Variants in TGFBR3 observed in about 807,000 individuals in gnomAD.
TGFBR3 encodes transforming growth factor beta receptor 3.
Under a neutral mutation model 87.9 loss-of-function variants are expected in TGFBR3, and 46 were observed. That is an observed-to-expected ratio of 0.52 (90% CI 0.41 to 0.67). TGFBR3 has a LOEUF of 0.67. Ranked by LOEUF, TGFBR3 falls within the 30% of genes least tolerant of loss-of-function variation. TGFBR3 has a pLI of 0.00. For synonymous variants in TGFBR3, 381 were observed against 391.6 expected, an observed-to-expected ratio of 0.97 and a Z score of 0.32; for missense variants, 866 against 1,041.9, an observed-to-expected ratio of 0.83 and a Z score of 2.32.
rs1348571874 is a variant in TGFBR3, at chr1:91,734,845, CT to C, written c.498del (p.Glu167SerfsTer13). 6.2e-7 allele frequency: 1 copy of C among 1,614,200 alleles called. No individual in the cohort carries two copies. The highest frequency in any genetic ancestry group is 8.5e-7 in the Non-Finnish European group (1 of 1,180,022). On this transcript the variant is annotated frameshift_variant, in exon 5 of 17. Transcript: ENST00000212355. LOFTEE classifies it high-confidence loss of function. ...GNEHLLNWARKEYGAVTSFTE... is the reference protein window; with the variant it reads ...GNEHLLNWARXEYGAVTSFTE... The stretch of plus-strand genomic sequence containing the variant: ...GTGAATGAAGTAACTGCTCCATACT[CT>C]TTTCGGGCCCAATTTAACAGATGTT...
At chr1:91,804,046 G>A (rs946867545) in intron 2 of TGFBR3, among the ~76,000 whole-genome samples, 5 of 152,148 alleles carry the variant, frequency 3.3e-5, no homozygotes, top group East Asian at 3.9e-4. Flanking sequence ...CTCAATTATC[G>A]CTGAGAAATG....
intron 16 of TGFBR3, among the ~76,000 whole-genome samples, chr1:91,686,946 G>A (rs1671108174): frequency 6.6e-6 from 1 of 152,184 alleles, no homozygotes; most frequent in Non-Finnish European, 1.5e-5. Context: ...GGCCAGCAGA[G>A]GAAATGTACT....
chr1:91,863,752 C>A (rs751687446), intron 1 of TGFBR3: 1 of 152,202 alleles, frequency 6.6e-6, no homozygotes, highest in Non-Finnish European at 1.5e-5. Context: ...AGGCATAAGT[C>A]ATCAATGACA....
At chr1:91,685,076 A>G (rs578205782) in intron 16 of TGFBR3, among the ~76,000 whole-genome samples, 1 of 152,294 alleles carries the variant, frequency 6.6e-6, no homozygotes, top group African/African-American at 2.4e-5. Context: ...GCCTCTGTGA[A>G]AAAAGCAGTT....
At chr1:91,766,199 T>TC (rs1553165534) in intron 3 of TGFBR3, among the ~76,000 whole-genome samples, 2 of 14,470 alleles carry the variant, frequency 1.4e-4, no homozygotes, top group Non-Finnish European at 3.7e-4. Flanking sequence ...GTTTGTTTTC[T>TC]TTTTTTTTTT....
chr1:91,787,943 G>GGAAAAAAAAAAAA (rs945269870), intron 3 of TGFBR3, among the ~76,000 whole-genome samples: 2 of 133,314 alleles, frequency 1.5e-5, no homozygotes, highest in African/African-American at 6.1e-5. Context: ...GTCTCACGGG[G>GGAAAAAAAAAAAA]AAAAAAAAAA....
At chr1:91,710,678 G>A (rs1671949194) in intron 13 of TGFBR3, among the ~76,000 whole-genome samples, 1 of 152,164 alleles carries the variant, frequency 6.6e-6, no homozygotes, top group African/African-American at 2.4e-5. Flanking sequence ...CCAGATAAAG[G>A]GCTGTCATTG....
intron 2 of TGFBR3, among the ~76,000 whole-genome samples, chr1:91,858,969 T>C (rs868241722): frequency 6.6e-6 from 1 of 151,084 alleles, no homozygotes; most frequent in Non-Finnish European, 1.5e-5. Flanking sequence ...GGCAGGAGAA[T>C]CGCTTGAACC....
chr1:91,724,096 T>C (rs1296070071), intron 7 of TGFBR3, among the ~76,000 whole-genome samples: 1 of 152,192 alleles, frequency 6.6e-6, no homozygotes, highest in African/African-American at 2.4e-5. Context: ...AAATTCTATA[T>C]GCAAAGGAAC....
chr1:91,882,356 C>G (rs976534348), intron 1 of TGFBR3, among the ~76,000 whole-genome samples: 1 of 151,480 alleles, frequency 6.6e-6, no homozygotes, highest in African/African-American at 2.4e-5. Context: ...AGGCTGGTCT[C>G]GAACTCCTGA....
intron 2 of TGFBR3, chr1:91,801,083 C>CAA (rs55862227): frequency 2.4e-4 from 34 of 139,466 alleles, no homozygotes; most frequent in South Asian, 1.5e-3. Context: ...AACTCTGTCT[C>CAA]AAAAAAAAAA....
At chr1:91,698,711 T>G (rs1671513055) in intron 14 of TGFBR3, among the ~76,000 whole-genome samples, 1 of 152,088 alleles carries the variant, frequency 6.6e-6, no homozygotes, top group Admixed American at 6.6e-5. Context: ...CACATTGCCC[T>G]GGCTGGTCTC....
chr1:91,758,351 A>C (rs958777096), intron 4 of TGFBR3, among the ~76,000 whole-genome samples: 1 of 152,142 alleles, frequency 6.6e-6, no homozygotes, highest in Non-Finnish European at 1.5e-5. Context: ...CAGGCCACAC[A>C]GAGTATGACG....
chr1:91,685,790 G>T (rs1464302780), intron 16 of TGFBR3, among the ~76,000 whole-genome samples: 1 of 151,848 alleles, frequency 6.6e-6, no homozygotes, highest in African/African-American at 2.4e-5. Context: ...TTTCTAGAAG[G>T]GAATCAAATC....
chr1:91,844,850 C>T (rs1677412112), intron 2 of TGFBR3, among the ~76,000 whole-genome samples: 1 of 152,122 alleles, frequency 6.6e-6, no homozygotes, highest in South Asian at 2.1e-4. Flanking sequence ...AGTACAAAGG[C>T]TTTCATAATT....
At chr1:91,811,555 T>A (rs974011278) in intron 2 of TGFBR3, among the ~76,000 whole-genome samples, 37 of 152,308 alleles carry the variant, frequency 2.4e-4, no homozygotes, top group African/African-American at 8.9e-4. Flanking sequence ...TCAAAAAGTT[T>A]GGATTTTGCT....
intron 4 of TGFBR3, among the ~76,000 whole-genome samples, chr1:91,745,459 A>C (rs984767281): frequency 2.0e-4 from 31 of 152,254 alleles, no homozygotes; most frequent in African/African-American, 7.0e-4. Context: ...CAAGAATCTC[A>C]GTTGAGGTTT....
intron 1 of TGFBR3, among the ~76,000 whole-genome samples, chr1:91,875,742 G>A (rs1678764323): frequency 7.0e-6 from 1 of 142,202 alleles, no homozygotes; most frequent in South Asian, 2.3e-4. Flanking sequence ...AGAAAAATTA[G>A]CTGGGCATGG....
chr1:91,732,389 A>T (rs904773659), intron 5 of TGFBR3, among the ~76,000 whole-genome samples: 1 of 152,138 alleles, frequency 6.6e-6, no homozygotes, highest in African/African-American at 2.4e-5. Context: ...AGAGTTCCTG[A>T]TTCAGTTGGT....
Sources: allele counts gnomAD v4.1 joint callset (sites outside exome capture counted in the v4.1 genomes callset), GRCh38; gene constraint gnomAD v4.1.1; transcripts MANE v1.5; gene names NCBI Gene and HGNC (gene_info 2026-07-23, HGNC 2026-07-21).